ABCC6: variants seen among roughly 807,000 people sequenced by gnomAD.
ABCC6 encodes the protein ATP binding cassette subfamily C member 6.
In ABCC6, 126 loss-of-function variants were observed where a neutral mutation model predicts 169.5. The observed-to-expected ratio is 0.74, with a 90% CI of 0.64 to 0.86. ABCC6 has a LOEUF of 0.86. Among genes scored for constraint, ABCC6 ranks in the 40% least tolerant of loss-of-function variants. ABCC6 has a pLI of 0.00. For missense variants in ABCC6, 1,733 were observed against 1,927.2 expected (o/e 0.90, Z 1.89); for synonymous variants, 752 against 814.7 (o/e 0.92, Z 1.31).
rs145402944 is a variant in ABCC6 at position 16,151,412 on chromosome 16, G to A, written c.4209-640C>T. On this transcript the variant is annotated intron_variant, in intron 29 of 30. Coordinates refer to ENST00000205557, the MANE Select transcript of ABCC6 (RefSeq NM_001171.6). ...CATCATACTATTTTCCATAGTGACT[G>A]TACTAATTTATATTTCCCCCAACAG... 2.3e-3 allele frequency among the ~76,000 whole-genome samples: 348 copies of A among 152,322 alleles called. 2 individuals are homozygous for A. Among genetic ancestry groups the A allele is most frequent in the African/African-American group, 7.4e-3 (306 of 41,578 alleles).
At chr16:16,165,024 C>A (rs556995006) in intron 23 of ABCC6, among the ~76,000 whole-genome samples, 29 of 152,362 alleles carry the variant, frequency 1.9e-4, no homozygotes, top group African/African-American at 6.7e-4. Flanking sequence ...GCCTTTGAGA[C>A]CTTGCAATGC....
At chr16:16,177,745 C>T (rs539752642) in intron 18 of ABCC6, 119 bp from the exon 19 acceptor site, 1 of 1,263,298 alleles carries the variant, frequency 7.9e-7, no homozygotes, top group East Asian at 2.3e-5. Flanking sequence ...AAGTTCGAGA[C>T]CAGCCTGGCT....
chr16:16,202,616 G>A (rs570095165), intron 8 of ABCC6, among the ~76,000 whole-genome samples: 6 of 151,928 alleles, frequency 3.9e-5, no homozygotes, highest in African/African-American at 1.2e-4. Flanking sequence ...GGAGACACCA[G>A]GGGGCGCAAA....
At chr16:16,177,727 G>T in intron 18 of ABCC6, 101 bp from the exon 19 acceptor site, 1 of 1,444,874 alleles carries the variant, frequency 6.9e-7, no homozygotes, top group South Asian at 1.2e-5. Flanking sequence ...TGGATCACTT[G>T]AGGCCAGAAG....
At chr16:16,187,418 T>C (rs1157707159) in intron 13 of ABCC6, among the ~76,000 whole-genome samples, 1 of 152,188 alleles carries the variant, frequency 6.6e-6, no homozygotes, top group Non-Finnish European at 1.5e-5. Flanking sequence ...TCTGCGATCC[T>C]ACAAATCAGT....
chr16:16,161,493 C>A lies in ABCC6; in HGVS notation c.3578G>T (p.Ser1193Ile). The change falls in exon 25 of 31, where the codon AGC becomes ATC. Residue 1193 changes from serine (S) to isoleucine (I), a missense_variant. Around this residue, in one of 5 missense-constraint regions of ABCC6, gnomAD observed 1,601 missense variants for 1,635.5 expected, o/e 0.98. Coordinates refer to ENST00000205557, the MANE Select transcript of ABCC6 (RefSeq NM_001171.6). ...GAGGCCAGCACTGAGGTGGGCTTTG[C>A]TCAGCACAGCACACGTGGCAGCTGC... ...VFAAATCAVL[S>I]KAHLSAGLVG... is the part of the protein sequence containing the mutation. 6.2e-7 allele frequency: 1 copy of A among 1,614,008 alleles called. No individual in the cohort carries two copies.
intron 25 of ABCC6, 106 bp from the exon 26 acceptor site, chr16:16,159,689 T>A: frequency 1.0e-6 from 1 of 989,432 alleles, no homozygotes; most frequent in Non-Finnish European, 1.6e-6. Context: ...CCCAGGGGAG[T>A]AAAGAGGGGA....
intron 2 of ABCC6, among the ~76,000 whole-genome samples, chr16:16,220,912 A>C (rs972011209): frequency 1.3e-5 from 2 of 151,946 alleles, no homozygotes; most frequent in Non-Finnish European, 2.9e-5. Flanking sequence ...AAAAAAAACA[A>C]ACAAAAAAGT....
intron 17 of ABCC6, among the ~76,000 whole-genome samples, chr16:16,179,742 T>C (rs551025215): frequency 6.6e-6 from 1 of 152,210 alleles, no homozygotes; most frequent in South Asian, 2.1e-4. Context: ...AGGCACCCAC[T>C]ACCACGCCTG....
chr16:16,222,530 G>A (rs1295857940), intron 1 of ABCC6, among the ~76,000 whole-genome samples: 3 of 151,716 alleles, frequency 2.0e-5, no homozygotes, highest in African/African-American at 7.3e-5. Flanking sequence ...GGCATAAGCA[G>A]CCTCACCAGG....
intron 15 of ABCC6, chr16:16,184,192 C>G (rs1474375944): frequency 8.1e-6 from 1 of 123,870 alleles, no homozygotes; most frequent in East Asian, 2.3e-4. Context: ...GAGCAAGACT[C>G]CGTTTCAAAA....
At position 16,184,305 on chromosome 16, in the gene ABCC6, C is replaced by T. The variant is rs143680873; in HGVS notation, c.1943+654G>A. The T allele has an allele frequency of 1.9e-4, 41 of 214,666 alleles. No homozygotes were observed. The East Asian group carries it at 4.8e-3, about 25-fold the overall frequency. 13.3% of individuals were successfully genotyped at this position (214,666 alleles called of 1,614,324 possible). ...AGCCTTCCCTCGCTAGACATGCCAT[C>T]GTACTCTGTTCCCTTGCTCTGGTTT... is the stretch of plus-strand genomic sequence containing the variant. On this transcript the variant is annotated intron_variant, in intron 15 of 30. Coordinates refer to ENST00000205557, the MANE Select transcript of ABCC6 (RefSeq NM_001171.6).
chr16:16,222,427 G>C (rs1188518498), intron 1 of ABCC6, among the ~76,000 whole-genome samples: 1 of 152,042 alleles, frequency 6.6e-6, no homozygotes, highest in Non-Finnish European at 1.5e-5. Context: ...TGTTGCCCAG[G>C]CTGAAGTGGC....
intron 19 of ABCC6, among the ~76,000 whole-genome samples, chr16:16,176,280 C>T (rs1010536396): frequency 2.6e-5 from 4 of 152,202 alleles, no homozygotes; most frequent in South Asian, 4.1e-4. Context: ...TTTCCCCCAA[C>T]AGCCTTGCTC....
At chr16:16,175,395 C>A (rs212618) in intron 20 of ABCC6, among the ~76,000 whole-genome samples, 61,781 of 152,018 alleles carry the variant, frequency 0.41, 13,152 homozygotes, top group South Asian at 0.67. Flanking sequence ...CTTCTGCTGC[C>A]GACAGCTCCA....
chr16:16,215,965 G>A (rs956123026), intron 4 of ABCC6, among the ~76,000 whole-genome samples: 1 of 151,954 alleles, frequency 6.6e-6, no homozygotes, highest in Non-Finnish European at 1.5e-5. Flanking sequence ...TGTTGCCCAG[G>A]CTGGAGTGCA....
rs1408393101 is a variant in ABCC6, at chr16:16,164,632, C to A, written c.3306+991G>T. Among the ~76,000 whole-genome samples the A allele has an allele frequency of 2.0e-5, 3 of 152,164 alleles. No homozygotes were observed. In the East Asian group the frequency reaches 5.8e-4, roughly 29 times the overall value. ...GATATGATAGCTAGTGGCCATAAGA[C>A]CTGCCCTGGAAAGAGAGCGTGTACA... On this transcript the variant is annotated intron_variant, in intron 23 of 30. Coordinates refer to ENST00000205557, the MANE Select transcript of ABCC6 (RefSeq NM_001171.6).
At chr16:16,214,214 A>G in intron 5 of ABCC6, 110 bp downstream of exon 5, 1 of 1,545,062 alleles carries the variant, frequency 6.5e-7, no homozygotes, top group East Asian at 2.4e-5. Context: ...AATGTGGTAC[A>G]CTTTTTGCTG....
At chr16:16,176,996 G>C (rs971773934) in intron 19 of ABCC6, among the ~76,000 whole-genome samples, 1 of 152,116 alleles carries the variant, frequency 6.6e-6, no homozygotes, top group African/African-American at 2.4e-5. Flanking sequence ...TGTTTTTCTG[G>C]ATTATTAGAA....
Sources: allele counts gnomAD v4.1 joint callset (sites outside exome capture counted in the v4.1 genomes callset), GRCh38; gene constraint gnomAD v4.1.1; regional missense constraint gnomAD v4.1.1; transcripts MANE v1.5; gene names NCBI Gene and HGNC (gene_info 2026-07-23, HGNC 2026-07-21).